The following FRMPD4 variants were observed in gnomAD, a reference collection of about 807,000 sequenced individuals.
FRMPD4 encodes FERM and PDZ domain-containing protein 4.
Under a neutral mutation model 94.1 loss-of-function variants are expected in FRMPD4, and 22 were observed. The observed-to-expected ratio is 0.23, with a 90% CI of 0.17 to 0.33. FRMPD4 has a LOEUF of 0.33. Ranked by LOEUF, FRMPD4 falls within the 10% of genes least tolerant of loss-of-function variation. FRMPD4 has a pLI of 1.00. For synonymous variants in FRMPD4, 631 were observed against 548.6 expected (o/e 1.15, Z -2.10); for missense variants, 1,111 against 1,339.9 (o/e 0.83, Z 2.67).
chrX:12,664,564 T>C (rs2059754820), intron 4 of FRMPD4, among the ~76,000 whole-genome samples: 1 of 112,020 alleles, frequency 8.9e-6, no homozygotes, highest in Non-Finnish European at 1.9e-5. Flanking sequence ...GACTTGATCA[T>C]GGTGGATAAG....
At chrX:12,414,620 G>A (rs193142316) in intron 1 of FRMPD4, among the ~76,000 whole-genome samples, 11 of 111,373 alleles carry the variant, frequency 9.9e-5, no homozygotes, top group Non-Finnish European at 1.9e-4. Flanking sequence ...CTTAGGTTTC[G>A]GAGAGCCATT....
chrX:12,223,371 G>A (rs181529411), intron 1 of FRMPD4, among the ~76,000 whole-genome samples: 8 of 112,168 alleles, frequency 7.1e-5, no homozygotes, highest in Admixed American at 4.7e-4. Flanking sequence ...AATATCTCAT[G>A]TTCTTGCTTA....
intron 3 of FRMPD4, among the ~76,000 whole-genome samples, chrX:11,888,755 C>T (rs923083080): frequency 8.9e-6 from 1 of 111,891 alleles, no homozygotes; most frequent in Non-Finnish European, 1.9e-5. Flanking sequence ...ATTAAGTGTA[C>T]AGTAGCATTA....
intron 1 of FRMPD4, among the ~76,000 whole-genome samples, chrX:12,476,907 C>T (rs1296662959): frequency 5.4e-5 from 6 of 111,539 alleles, no homozygotes; most frequent in African/African-American, 9.8e-5. Flanking sequence ...GACAGTGTGG[C>T]GATTCCTCAG....
At chrX:12,112,787 C>T (rs753570881) in intron 3 of FRMPD4, among the ~76,000 whole-genome samples, 3 of 110,792 alleles carry the variant, frequency 2.7e-5, no homozygotes, top group Admixed American at 9.6e-5. Flanking sequence ...ATATCCTTTC[C>T]TTCCTCTCTT....
chrX:12,115,521 GTC>G (rs749898427), intron 3 of FRMPD4, among the ~76,000 whole-genome samples: 1 of 110,996 alleles, frequency 9.0e-6, no homozygotes, highest in East Asian at 2.8e-4. Flanking sequence ...AGTATTGCCT[GTC>G]TCTCATGGTG....
chrX:12,585,253 GCT>G (rs1333263990), intron 2 of FRMPD4, among the ~76,000 whole-genome samples: 147 of 106,635 alleles, frequency 1.4e-3, no homozygotes, highest in Non-Finnish European at 1.9e-3. Context: ...GCGGAGTCTT[GCT>G]CTGTCATCCA....
chrX:12,358,194 AT>A (rs930801788), intron 1 of FRMPD4, among the ~76,000 whole-genome samples: 17 of 110,322 alleles, frequency 1.5e-4, no homozygotes, highest in African/African-American at 4.6e-4. Context: ...TGCTGCTATG[AT>A]TTTTTTTTAA....
chrX:11,854,980 C>T (rs1320454969), intron 1 of FRMPD4, among the ~76,000 whole-genome samples: 1 of 112,135 alleles, frequency 8.9e-6, no homozygotes, highest in African/African-American at 3.2e-5. Flanking sequence ...TCCATGAGGG[C>T]TCCACCCCTG....
intron 4 of FRMPD4, among the ~76,000 whole-genome samples, chrX:12,615,544 T>G (rs974627757): frequency 1.8e-5 from 2 of 111,769 alleles, no homozygotes; most frequent in Non-Finnish European, 3.8e-5. Flanking sequence ...CTTAGTGAAT[T>G]TAAGGGAAAA....
chrX:12,008,410 A>G (rs774771562), intron 3 of FRMPD4, among the ~76,000 whole-genome samples: 14 of 112,114 alleles, frequency 1.2e-4, no homozygotes, highest in Non-Finnish European at 2.1e-4. Flanking sequence ...TGAGTTCACA[A>G]TACACTTTTT....
intron 1 of FRMPD4, chrX:12,495,099 C>T (rs1233710659): frequency 2.4e-6 from 1 of 418,668 alleles, no homozygotes; most frequent in African/African-American, 2.7e-5. Context: ...TTCCTTCCGC[C>T]TTGAGAATGG....
chrX:11,988,560 C>A (rs1303383203), intron 3 of FRMPD4, among the ~76,000 whole-genome samples: 3 of 111,220 alleles, frequency 2.7e-5, no homozygotes, highest in Non-Finnish European at 5.7e-5. Context: ...CTGGGTGATA[C>A]CAACAAGCAC....
intron 3 of FRMPD4, among the ~76,000 whole-genome samples, chrX:12,084,180 G>C (rs1161662834): frequency 4.0e-5 from 4 of 100,616 alleles, no homozygotes; most frequent in African/African-American, 1.5e-4. Context: ...GACCCAGTGG[G>C]GGGGGGGGTA....
intron 3 of FRMPD4, among the ~76,000 whole-genome samples, chrX:11,946,552 T>C (rs998075513): frequency 7.2e-5 from 8 of 111,780 alleles, no homozygotes; most frequent in African/African-American, 2.6e-4. Context: ...TGGTGCTTGC[T>C]CTGTGTGATG....
rs141849635 is a variant in FRMPD4, at chrX:12,589,737, T to C, written c.159-19984T>C. Reference sequence around the variant, plus strand: ...TTTATAATGCCCATAAAATAATACTTATAGGCATAACATTCCAAGGCAGCC... The same window carrying C: ...TTTATAATGCCCATAAAATAATACTCATAGGCATAACATTCCAAGGCAGCC... On this transcript the variant is annotated intron_variant, in intron 2 of 16. Transcript: ENST00000675598. Among the ~76,000 whole-genome samples the C allele has an allele frequency of 3.8e-3, 426 of 112,034 alleles. 6 individuals carry two copies. In the East Asian group the frequency reaches 0.057, roughly 15 times the overall value.
At chrX:12,347,850 T>C (rs1345259712) in intron 1 of FRMPD4, among the ~76,000 whole-genome samples, 1 of 111,844 alleles carries the variant, frequency 8.9e-6, no homozygotes, top group Non-Finnish European at 1.9e-5. Flanking sequence ...TTTTTCTAAA[T>C]GTTGTGTTGT....
At chrX:12,485,901 T>G (rs1314667642) in intron 1 of FRMPD4, among the ~76,000 whole-genome samples, 2 of 104,163 alleles carry the variant, frequency 1.9e-5, no homozygotes, top group African/African-American at 7.2e-5. Context: ...AGAGGGAGAT[T>G]CTTTCTCAAA....
At chrX:12,295,365 G>A (rs1318143038) in intron 1 of FRMPD4, among the ~76,000 whole-genome samples, 1 of 112,014 alleles carries the variant, frequency 8.9e-6, no homozygotes, top group African/African-American at 3.2e-5. Context: ...TGATTTGTCT[G>A]GAGGGAGCCC....
Sources: gnomAD v4.1 joint callset for allele counts (sites outside exome capture counted in the v4.1 genomes callset) on GRCh38, gnomAD v4.1.1 for gene constraint, MANE v1.5 for transcripts, NCBI Gene and HGNC (gene_info 2026-07-23, HGNC 2026-07-21) for gene names.